RTN3: variants seen among roughly 807,000 people sequenced by gnomAD.
The protein encoded by RTN3 is reticulon 3, also known as reticulon-3.
RTN3 carries 49 observed loss-of-function variants against 77.8 expected under a neutral mutation model. That is an observed-to-expected ratio of 0.63 (90% confidence interval 0.50 to 0.80). The LOEUF is 0.80. Ranked by LOEUF, RTN3 falls within the 30% of genes least tolerant of loss-of-function variation. The pLI is 0.00. For synonymous variants in RTN3, 464 were observed against 446.9 expected (o/e 1.04, Z -0.48); for missense variants, 1,236 against 1,211.9 (o/e 1.02, Z -0.29).
chr11:63,699,139 A>G (rs938114068), intron 1 of RTN3, among the ~76,000 whole-genome samples: 1 of 152,054 alleles, frequency 6.6e-6, no homozygotes, highest in Non-Finnish European at 1.5e-5. Flanking sequence ...AACCCCTACT[A>G]AAAATACAAA....
At chr11:63,728,899 A>G (rs1565329094) in intron 3 of RTN3, among the ~76,000 whole-genome samples, 2 of 147,660 alleles carry the variant, frequency 1.4e-5, no homozygotes, top group African/African-American at 2.5e-5. Flanking sequence ...AAAAAAAAAA[A>G]AAAGAAAAAA....
intron 3 of RTN3, among the ~76,000 whole-genome samples, chr11:63,748,607 C>T (rs1165268108): frequency 6.6e-6 from 1 of 150,944 alleles, no homozygotes; most frequent in Non-Finnish European, 1.5e-5. Flanking sequence ...GCCTCGGACT[C>T]CCAAAGTGCA....
intron 3 of RTN3, among the ~76,000 whole-genome samples, chr11:63,728,886 C>CAAAAAAAA: frequency 1.3e-5 from 1 of 78,670 alleles, no homozygotes; most frequent in Non-Finnish European, 2.6e-5. Context: ...GACTCCGTCT[C>CAAAAAAAA]AAAAAAAAAA....
In RTN3 at chr11:63,681,533, G is replaced by C; in HGVS notation, c.-104G>C. 1 of 1,230,866 alleles carries C rather than the reference G, an allele frequency of 8.1e-7. No individual in the cohort carries two copies. The allele number at this position is 1,230,866 out of a possible 1,614,324, so 76.2% of individuals were successfully genotyped here. A position where few individuals can be genotyped will look rare whatever the true frequency, so the allele number is the denominator to read the frequency against. Reference sequence around the variant, plus strand: ...GGAGTCTGTCCTCGGAGCAGGCGGAGTAAAGGGACTTGAGCGAGCCAGTTG... The same window carrying C: ...GGAGTCTGTCCTCGGAGCAGGCGGACTAAAGGGACTTGAGCGAGCCAGTTG... On this transcript the variant is annotated 5_prime_UTR_variant, in exon 1 of 9. Transcript: ENST00000377819.
At position 63,681,614 on chromosome 11, in the gene RTN3, C is replaced by T. The variant is rs766083536; in HGVS notation, c.-23C>T. ...CCGCCCCGTATCTCTTTTCACCCTT[C>T]TCCCACCCTCGCTCGCGTAGCCATG... On this transcript the variant is annotated 5_prime_UTR_variant, in exon 1 of 9. Coordinates refer to ENST00000377819, the MANE Select transcript of RTN3 (RefSeq NM_001265589.2). 7.0e-6 allele frequency: 11 copies of T among 1,576,180 alleles called. No homozygotes were observed. The East Asian group carries it at 9.2e-5, about 13-fold the overall frequency.
At chr11:63,694,554 C>T (rs546955769) in intron 1 of RTN3, among the ~76,000 whole-genome samples, 70 of 152,244 alleles carry the variant, frequency 4.6e-4, no homozygotes, top group African/African-American at 1.4e-3. Flanking sequence ...CTCACTACAA[C>T]GTCCATGTCC....
intron 2 of RTN3, among the ~76,000 whole-genome samples, chr11:63,711,978 T>C (rs1233238676): frequency 6.6e-6 from 1 of 152,246 alleles, no homozygotes; most frequent in Admixed American, 6.5e-5. Flanking sequence ...ATTACAGGCA[T>C]GAGCCACTAT....
intron 3 of RTN3, among the ~76,000 whole-genome samples, chr11:63,731,491 A>G (rs1006388442): frequency 6.6e-6 from 1 of 152,232 alleles, no homozygotes; most frequent in Non-Finnish European, 1.5e-5. Context: ...AAATTCCCAA[A>G]TATTTGGAAA....
intron 2 of RTN3, among the ~76,000 whole-genome samples, chr11:63,712,276 T>C (rs2011180281): frequency 2.0e-5 from 3 of 152,184 alleles, no homozygotes; most frequent in Non-Finnish European, 2.9e-5. Context: ...GGAGTCTCTA[T>C]GTCAAGAGAG....
rs567769125 is a variant in RTN3 at position 63,745,935 on chromosome 11, C to T, written c.2531-4056C>T. Among the ~76,000 whole-genome samples the T allele has an allele frequency of 1.5e-4, 23 of 152,278 alleles. No homozygotes were observed. The South Asian group carries it at 4.8e-3, about 32-fold the overall frequency. On this transcript the variant is annotated intron_variant, in intron 3 of 8. Coordinates refer to ENST00000377819, the MANE Select transcript of RTN3 (RefSeq NM_001265589.2). ...AAGTGATTCTCCTGCCTCAACCTTC[C>T]GAGTAGCTGGGAGTACAGGCACGCA...
At position 63,721,091 on chromosome 11, in the gene RTN3, C is replaced by A. The variant is rs1048020087; in HGVS notation, c.2530+59C>A. 7 of 1,434,938 alleles carry A rather than the reference C, an allele frequency of 4.9e-6. No individual in the cohort carries two copies. In the African/African-American group the frequency reaches 1.0e-4, roughly 20 times the overall value. 88.9% of individuals were successfully genotyped at this position (1,434,938 alleles called of 1,614,324 possible). A position where few individuals can be genotyped will look rare whatever the true frequency, so the allele number is the denominator to read the frequency against. On this transcript the variant is annotated intron_variant, in intron 3 of 8. Transcript: ENST00000377819. ...AATTCTGTGATTGATTACTTATCAG[C>A]GTGCCATTTATGTTAGTCTGATTTA...
chr11:63,736,245 G>A (rs912856917), intron 3 of RTN3, among the ~76,000 whole-genome samples: 2 of 152,176 alleles, frequency 1.3e-5, no homozygotes, highest in African/African-American at 4.8e-5. Context: ...GCCTGCGGGT[G>A]CTAACCTCAT....
chr11:63,707,205 C>G (rs1397911472), intron 2 of RTN3, among the ~76,000 whole-genome samples: 1 of 151,982 alleles, frequency 6.6e-6, no homozygotes, highest in Non-Finnish European at 1.5e-5. Flanking sequence ...GGCCAAGTCA[C>G]TTTTTTCATA....
At chr11:63,717,539 C>T (rs1291220840) in intron 2 of RTN3, among the ~76,000 whole-genome samples, 2 of 151,576 alleles carry the variant, frequency 1.3e-5, no homozygotes, top group Non-Finnish European at 2.9e-5. Flanking sequence ...AGGTGCCTGC[C>T]ACCACGCCCG....
chr11:63,711,115 G>A (rs1270625857), intron 2 of RTN3, among the ~76,000 whole-genome samples: 3 of 151,752 alleles, frequency 2.0e-5, no homozygotes, highest in Non-Finnish European at 4.4e-5. Context: ...CCCCATCTCC[G>A]CTAAAAATAC....
At chr11:63,695,992 A>G (rs899239417) in intron 1 of RTN3, among the ~76,000 whole-genome samples, 10 of 152,166 alleles carry the variant, frequency 6.6e-5, no homozygotes, top group East Asian at 1.9e-4. Flanking sequence ...CTTAGTGTCA[A>G]TAAATTCCCA....
At chr11:63,728,846 C>T (rs1341477309) in intron 3 of RTN3, among the ~76,000 whole-genome samples, 2 of 147,956 alleles carry the variant, frequency 1.4e-5, no homozygotes, top group Non-Finnish European at 3.0e-5. Context: ...GGGATTGCGC[C>T]ACTGCACTCC....
At chr11:63,694,522 G>A (rs796925776) in intron 1 of RTN3, among the ~76,000 whole-genome samples, 26 of 152,138 alleles carry the variant, frequency 1.7e-4, no homozygotes, top group African/African-American at 6.3e-4. Flanking sequence ...ACCCAGTCTG[G>A]AGTGCAGTGG....
chr11:63,740,780 A>G (rs2013421524), intron 3 of RTN3, among the ~76,000 whole-genome samples: 1 of 152,168 alleles, frequency 6.6e-6, no homozygotes, highest in Non-Finnish European at 1.5e-5. Context: ...TTGTTGCTCT[A>G]TAGCTAACTT....
Sources: gnomAD v4.1 joint callset for allele counts (sites outside exome capture counted in the v4.1 genomes callset) on GRCh38, gnomAD v4.1.1 for gene constraint, MANE v1.5 for transcripts, NCBI Gene and HGNC (gene_info 2026-07-23, HGNC 2026-07-21) for gene names.